SYT2: variants seen among roughly 807,000 people sequenced by gnomAD.
SYT2 encodes the protein synaptotagmin-2.
In SYT2, 15 loss-of-function variants were observed where a neutral mutation model predicts 39.9. The ratio of observed to expected loss-of-function variants is 0.38; its 90% CI spans 0.25 to 0.58. The LOEUF (loss-of-function observed/expected upper bound fraction) is 0.58. Ranked by LOEUF, SYT2 falls within the 20% of genes least tolerant of loss-of-function variation. The probability of loss-of-function intolerance (pLI) is 0.70; values close to 1 mark genes in which losing one functional copy is unlikely to be tolerated. For synonymous variants in SYT2, 181 were observed against 204.5 expected (o/e 0.89, Z 0.98); for missense variants, 389 against 530.3 (o/e 0.73, Z 2.62).
intron 1 of SYT2, among the ~76,000 whole-genome samples, chr1:202,687,924 A>G (rs1653713511): frequency 7.4e-6 from 1 of 136,012 alleles, no homozygotes; most frequent in African/African-American, 2.5e-5. Flanking sequence ...TAAGCAAGGG[A>G]AAAAAAATGT....
chr1:202,658,131 T>C (rs1692312465), intron 1 of SYT2, among the ~76,000 whole-genome samples: 1 of 152,066 alleles, frequency 6.6e-6, no homozygotes, highest in Non-Finnish European at 1.5e-5. Flanking sequence ...GACTAGATGA[T>C]CTCTTAGGGT....
intron 6 of SYT2, among the ~76,000 whole-genome samples, chr1:202,600,865 G>C (rs1044162460): frequency 1.3e-5 from 2 of 152,184 alleles, no homozygotes; most frequent in African/African-American, 4.8e-5. Flanking sequence ...AAGCGGGTGG[G>C]TTAGCCACGT....
In SYT2 at chr1:202,596,271, A is replaced by C. The variant is rs1055791471; in HGVS notation, c.*486T>G. The stretch of plus-strand genomic sequence containing the variant: ...GGAATGAAGAGAAATGCTCAAAGAC[A>C]CACACACACACACACACACACACAC... On this transcript the variant is annotated 3_prime_UTR_variant, in exon 9 of 9. Coordinates refer to ENST00000367268, the MANE Select transcript of SYT2 (RefSeq NM_177402.5). 1 of 45,938 alleles carries C rather than the reference A, an allele frequency of 2.2e-5. No individual in the cohort carries two copies. Among genetic ancestry groups the C allele is most frequent in the Non-Finnish European group, 4.6e-5 (1 of 21,820 alleles). The allele number at this position is 45,938 out of a possible 1,614,324, so 2.8% of individuals were successfully genotyped here. A position where few individuals can be genotyped will look rare whatever the true frequency, so the allele number is the denominator to read the frequency against.
intron 1 of SYT2, chr1:202,632,378 C>A (rs1250883166): frequency 2.0e-5 from 4 of 195,734 alleles, no homozygotes; most frequent in Non-Finnish European, 3.7e-5. Context: ...AATAGTGAGA[C>A]ACGCAGATAT....
Position 202,596,528 on chromosome 1 carries a change from T to TGGGAC in SYT2, c.*224_*228dup. ...CAGGGCATGCAGCAAGGACAGCTCC[T>TGGGAC]GGGACCGTGAACAGAGCCAGGCTTC... On this transcript the variant is annotated 3_prime_UTR_variant, in exon 9 of 9. Coordinates refer to ENST00000367268, the MANE Select transcript of SYT2 (RefSeq NM_177402.5). 2.0e-6 allele frequency: 1 copy of TGGGAC among 502,708 alleles called. No homozygotes were observed. Among genetic ancestry groups the TGGGAC allele is most frequent in the Non-Finnish European group, 3.5e-6 (1 of 282,798 alleles). 31.1% of individuals were successfully genotyped at this position (502,708 alleles called of 1,614,324 possible).
chr1:202,610,833 C>G (rs1333912906), intron 1 of SYT2, among the ~76,000 whole-genome samples: 1 of 151,938 alleles, frequency 6.6e-6, no homozygotes, highest in African/African-American at 2.4e-5. Flanking sequence ...AGGATACAAA[C>G]AAATGGAAGA....
chr1:202,621,297 ATTTAT>A (rs1011304639), intron 1 of SYT2, among the ~76,000 whole-genome samples: 1 of 151,958 alleles, frequency 6.6e-6, no homozygotes, highest in Non-Finnish European at 1.5e-5. Flanking sequence ...GTGTTTTTAA[ATTTAT>A]TTTATTTTTT....
chr1:202,629,146 C>T (rs1016764821), intron 1 of SYT2, among the ~76,000 whole-genome samples: 6 of 152,150 alleles, frequency 3.9e-5, no homozygotes, highest in African/African-American at 1.4e-4. Flanking sequence ...AGCCAATACC[C>T]TTTTTTTAAA....
chr1:202,640,802 CAG>C (rs1442941888), intron 1 of SYT2, among the ~76,000 whole-genome samples: 1 of 101,044 alleles, frequency 9.9e-6, no homozygotes, highest in Non-Finnish European at 2.2e-5. Context: ...GACAGACAGA[CAG>C]AGAGACAGAG....
chr1:202,622,677 A>G (rs1691237378), intron 1 of SYT2, among the ~76,000 whole-genome samples: 1 of 152,098 alleles, frequency 6.6e-6, no homozygotes, highest in Non-Finnish European at 1.5e-5. Flanking sequence ...TGTGGGGGTT[A>G]AGCATCCCTG....
At position 202,599,256 on chromosome 1, in the gene SYT2, C is replaced by T. The variant is rs761337722; in HGVS notation, c.1015G>A (p.Glu339Lys). ...KKKTLNPYFN[E>K]SFSFEIPFEQ... ...AAGGGGATCTCAAAGCTGAAGGACT[C>T]GTTGAAGTATGGGTTCAGGGTCTTC... Residue 339 changes from glutamate to lysine, a missense_variant, in exon 8 of 9, where the codon GAG becomes AAG. Physicochemically the swap from Glu to Lys is moderately conservative, Grantham distance 56 (BLOSUM62 1). Transcript: ENST00000367268. The surrounding 1 kb of genome is among the most constrained non-coding windows in gnomAD (Gnocchi z 4.4). 4 of 1,612,800 alleles carry T rather than the reference C, an allele frequency of 2.5e-6. No homozygotes were observed. The highest frequency in any genetic ancestry group is 3.3e-5 in the Admixed American group (2 of 59,726).
chr1:202,659,228 C>T (rs1692335725), intron 1 of SYT2, among the ~76,000 whole-genome samples: 2 of 152,212 alleles, frequency 1.3e-5, no homozygotes, highest in Non-Finnish European at 2.9e-5. Flanking sequence ...ACACATGCTA[C>T]CTCTGTCCGT....
chr1:202,682,001 G>T (rs372079994), intron 1 of SYT2, among the ~76,000 whole-genome samples: 1 of 152,160 alleles, frequency 6.6e-6, no homozygotes, highest in Non-Finnish European at 1.5e-5. Flanking sequence ...CCAGGGCCAC[G>T]GTGGCTGGTG....
chr1:202,693,755 G>T (rs1382819940), intron 1 of SYT2, among the ~76,000 whole-genome samples: 1 of 152,194 alleles, frequency 6.6e-6, no homozygotes, highest in East Asian at 1.9e-4. Flanking sequence ...TCCTCTTGTT[G>T]CTGAGATTGT....
At chr1:202,656,950 T>G (rs1012775524) in intron 1 of SYT2, among the ~76,000 whole-genome samples, 2 of 152,216 alleles carry the variant, frequency 1.3e-5, no homozygotes, top group Non-Finnish European at 2.9e-5. Flanking sequence ...TCTCCAGCTC[T>G]CTGGAAGCAG....
rs1169409751 is a variant in SYT2 at position 202,623,892 on chromosome 1, G to A, written c.-17-18103C>T. 1.3e-5 allele frequency among the ~76,000 whole-genome samples: 2 copies of A among 152,218 alleles called. No homozygotes were observed. Among genetic ancestry groups the A allele is most frequent in the African/African-American group, 4.8e-5 (2 of 41,460 alleles). On this transcript the variant is annotated intron_variant, in intron 1 of 8. Coordinates refer to ENST00000367268, the MANE Select transcript of SYT2 (RefSeq NM_177402.5). This position sits in a 1 kb window ranked among gnomAD's most constrained non-coding sequence, Gnocchi z 4.2. ...TCAATGGATCCTCCAGCCACAGTGTGAGCAGCTCTGCCTCATGTGAGGCAC... is the reference window on the plus strand; with the variant it reads ...TCAATGGATCCTCCAGCCACAGTGTAAGCAGCTCTGCCTCATGTGAGGCAC...
chr1:202,632,476 G>T, intron 1 of SYT2: 1 of 836,558 alleles, frequency 1.2e-6, no homozygotes, highest in Non-Finnish European at 1.4e-6. Context: ...TCTATAACCA[G>T]TGGAAGAAAG....
intron 1 of SYT2, among the ~76,000 whole-genome samples, chr1:202,647,270 C>T (rs1692104133): frequency 6.6e-6 from 1 of 152,224 alleles, no homozygotes; most frequent in Non-Finnish European, 1.5e-5. Flanking sequence ...TCTAAGCTAG[C>T]CCTGCAGGAT....
In SYT2 at chr1:202,594,886, TTAAAA is replaced by T. The variant is rs1690233433; in HGVS notation, c.*1866_*1870del. 1 of 152,196 alleles carries T rather than the reference TTAAAA, an allele frequency of 6.6e-6. No homozygotes were observed. Among genetic ancestry groups the T allele is most frequent in the African/African-American group, 2.4e-5 (1 of 41,446 alleles). 9.4% of individuals were successfully genotyped at this position (152,196 alleles called of 1,614,324 possible). A position where few individuals can be genotyped will look rare whatever the true frequency, so the allele number is the denominator to read the frequency against. ...AAAACCAAAAGCCCCTTCCCCCTTT[TTAAAA>T]TAAAATAAAAAGACACTCTGCAACT... On this transcript the variant is annotated 3_prime_UTR_variant, in exon 9 of 9. Transcript: ENST00000367268.
Sources: allele counts gnomAD v4.1 joint callset (sites outside exome capture counted in the v4.1 genomes callset), GRCh38; gene constraint gnomAD v4.1.1; non-coding constraint Gnocchi (gnomAD v3.1); transcripts MANE v1.5; gene names NCBI Gene and HGNC (gene_info 2026-07-23, HGNC 2026-07-21).